LRMDA: variants seen among roughly 807,000 people sequenced by gnomAD.
LRMDA encodes the protein leucine rich melanocyte differentiation associated.
A neutral mutation model predicts 29.8 loss-of-function variants in LRMDA; 18 were observed. The ratio of observed to expected loss-of-function variants is 0.60; its 90% confidence interval spans 0.42 to 0.90. The LOEUF is 0.90. Among genes scored for constraint, LRMDA ranks in the 40% least tolerant of loss-of-function variants. The pLI is 0.00. For synonymous variants in LRMDA, 125 were observed against 109.4 expected, an observed-to-expected ratio of 1.14 and a Z score of -0.89; for missense variants, 273 against 273.9, an observed-to-expected ratio of 1.00 and a Z score of 0.02.
chr10:75,513,088 C>A (rs1589165343), intron 2 of LRMDA, among the ~76,000 whole-genome samples: 1 of 152,264 alleles, frequency 6.6e-6, no homozygotes, highest in East Asian at 1.9e-4. Flanking sequence ...CTGAGCCTTA[C>A]CACTTGGGGT....
At chr10:76,288,613 G>C (rs1172981139) in intron 5 of LRMDA, among the ~76,000 whole-genome samples, 2 of 152,038 alleles carry the variant, frequency 1.3e-5, no homozygotes, top group Admixed American at 6.6e-5. Flanking sequence ...GTTCTGTTGG[G>C]GCCTAGTGCA....
intron 6 of LRMDA, among the ~76,000 whole-genome samples, chr10:76,387,690 A>G (rs1841676880): frequency 6.6e-6 from 1 of 151,912 alleles, no homozygotes; most frequent in Non-Finnish European, 1.5e-5. Context: ...TAAATTTTTT[A>G]AGTGAAAGCA....
chr10:76,305,789 A>G (rs1309172817), intron 5 of LRMDA, among the ~76,000 whole-genome samples: 3 of 152,206 alleles, frequency 2.0e-5, no homozygotes, highest in Admixed American at 2.0e-4. Context: ...GTTTAGATGA[A>G]TGAAACTTTT....
intron 5 of LRMDA, chr10:76,242,290 AG>A (rs1852291321): frequency 6.6e-6 from 1 of 152,250 alleles, no homozygotes; most frequent in Admixed American, 6.5e-5. Flanking sequence ...CTGAGTCACC[AG>A]GACTACTGAC....
intron 2 of LRMDA, among the ~76,000 whole-genome samples, chr10:75,705,290 A>T (rs1281754378): frequency 1.3e-5 from 2 of 152,182 alleles, no homozygotes; most frequent in East Asian, 3.8e-4. Context: ...GGTTTCCCCC[A>T]CTAAATTCAG....
intron 2 of LRMDA, among the ~76,000 whole-genome samples, chr10:76,017,658 C>G (rs1407473555): frequency 6.6e-6 from 1 of 152,166 alleles, no homozygotes; most frequent in African/African-American, 2.4e-5. Context: ...TAGTTCCAGC[C>G]CAGTTGCTAC....
At position 75,607,674 on chromosome 10, in the gene LRMDA, T is replaced by C. The variant is rs149736474; in HGVS notation, c.131+169180T>C. Among the ~76,000 whole-genome samples, 428 of 152,224 alleles carry C rather than the reference T, an allele frequency of 2.8e-3. 6 individuals are homozygous for C. The highest frequency in any genetic ancestry group is 0.01 in the African/African-American group (416 of 41,540). On this transcript the variant is annotated intron_variant, in intron 2 of 6. Coordinates refer to ENST00000611255, the MANE Select transcript of LRMDA (RefSeq NM_001305581.2). ...AGGGAGAATCACTGCCTTGTTTTGG[T>C]TTTGTAACAACAGCACTGTCTTCAT...
intron 2 of LRMDA, among the ~76,000 whole-genome samples, chr10:75,473,190 T>C (rs886991387): frequency 1.3e-5 from 2 of 152,186 alleles, no homozygotes; most frequent in Non-Finnish European, 2.9e-5. Flanking sequence ...TGATATGAGA[T>C]TGGATGTAAA....
intron 2 of LRMDA, among the ~76,000 whole-genome samples, chr10:75,548,579 GTCT>G (rs1476552044): frequency 6.6e-6 from 1 of 152,104 alleles, no homozygotes; most frequent in East Asian, 1.9e-4. Flanking sequence ...GCCCCAGATG[GTCT>G]TCTGCTTCTC....
chr10:75,724,736 T>C (rs982525416), intron 2 of LRMDA, among the ~76,000 whole-genome samples: 1 of 152,184 alleles, frequency 6.6e-6, no homozygotes, highest in Non-Finnish European at 1.5e-5. Flanking sequence ...CTAGCCACTG[T>C]AAAAACAATT....
At chr10:76,278,383 G>A (rs775321169) in intron 5 of LRMDA, among the ~76,000 whole-genome samples, 1 of 152,180 alleles carries the variant, frequency 6.6e-6, no homozygotes, top group Non-Finnish European at 1.5e-5. Context: ...GACTGTGAAA[G>A]TGCTTTATAA....
chr10:76,380,045 T>C (rs903183370), intron 6 of LRMDA, among the ~76,000 whole-genome samples: 6 of 152,236 alleles, frequency 3.9e-5, no homozygotes, highest in Admixed American at 6.5e-5. Flanking sequence ...TATCGACTTA[T>C]AGTTTTATTC....
chr10:75,804,840 G>T (rs1190825132), intron 2 of LRMDA, among the ~76,000 whole-genome samples: 1 of 152,192 alleles, frequency 6.6e-6, no homozygotes, highest in Non-Finnish European at 1.5e-5. Flanking sequence ...ATGTTGGGAA[G>T]GCCATTTTCC....
At chr10:75,586,632 G>A (rs553478618) in intron 2 of LRMDA, among the ~76,000 whole-genome samples, 13 of 152,138 alleles carry the variant, frequency 8.5e-5, no homozygotes, top group Admixed American at 8.5e-4. Context: ...GAGGCACTGT[G>A]TCTGGCCTGT....
chr10:76,281,649 C>T (rs7098297), intron 5 of LRMDA, among the ~76,000 whole-genome samples: 67,787 of 151,928 alleles, frequency 0.45, 15,746 homozygotes, highest in South Asian at 0.6. Flanking sequence ...GGCCCTCTGC[C>T]GGCCTTATTT....
At chr10:76,326,040 A>G (rs1165686273) in intron 6 of LRMDA, among the ~76,000 whole-genome samples, 1 of 152,216 alleles carries the variant, frequency 6.6e-6, no homozygotes, top group Non-Finnish European at 1.5e-5. Context: ...AAGAGAGCCA[A>G]CACAGACATC....
At chr10:75,912,051 T>C (rs1394806672) in intron 2 of LRMDA, among the ~76,000 whole-genome samples, 1 of 152,066 alleles carries the variant, frequency 6.6e-6, no homozygotes, top group South Asian at 2.1e-4. Context: ...ACTCTGTTAT[T>C]TTTCATGGGG....
chr10:75,946,378 T>C (rs1846476212), intron 2 of LRMDA, among the ~76,000 whole-genome samples: 1 of 152,252 alleles, frequency 6.6e-6, no homozygotes, highest in African/African-American at 2.4e-5. Context: ...CAAATGTCAC[T>C]GTGCCCCTGT....
chr10:75,658,825 G>A (rs1172434979), intron 2 of LRMDA, among the ~76,000 whole-genome samples: 1 of 152,236 alleles, frequency 6.6e-6, no homozygotes, highest in Non-Finnish European at 1.5e-5. Flanking sequence ...ATTTTGGTGG[G>A]TGGAGGTAAA....
Sources: allele counts gnomAD v4.1 joint callset (sites outside exome capture counted in the v4.1 genomes callset), GRCh38; gene constraint gnomAD v4.1.1; transcripts MANE v1.5; gene names NCBI Gene and HGNC (gene_info 2026-07-23, HGNC 2026-07-21).